MINDY2: variants seen among roughly 807,000 people sequenced by gnomAD.
MINDY2 encodes ubiquitin carboxyl-terminal hydrolase MINDY-2.
Under a neutral mutation model 68.2 loss-of-function variants are expected in MINDY2, and 52 were observed. That is an observed-to-expected ratio of 0.76 (90% CI 0.61 to 0.96). The LOEUF is 0.96. MINDY2 is among the 40% of genes least tolerant of loss of function. The probability of loss-of-function intolerance (pLI) is 0.00; values close to 1 mark genes in which losing one functional copy is unlikely to be tolerated. For missense variants in MINDY2, 881 were observed against 773.4 expected (o/e 1.14, Z -1.65); for synonymous variants, 372 against 303.0 (o/e 1.23, Z -2.36).
intron 4 of MINDY2, among the ~76,000 whole-genome samples, chr15:58,814,341 G>C (rs1231763091): frequency 6.6e-6 from 1 of 151,516 alleles, no homozygotes; most frequent in African/African-American, 2.4e-5. Context: ...CATGTCTTTT[G>C]CCCACTTTCT....
At position 58,791,624 on chromosome 15, in the gene MINDY2, G is replaced by A. The variant is rs1026301873; in HGVS notation, c.898+3661G>A. 2.4e-3 allele frequency among the ~76,000 whole-genome samples: 317 copies of A among 131,590 alleles called. 2 individuals carry two copies. The highest frequency in any genetic ancestry group is 0.011 in the African/African-American group (292 of 27,256). The allele number at this position is 131,590 out of a possible 152,430, so 86.3% of individuals were successfully genotyped here. ...AGGGCAAGACCCTGTCTCAAAATAT[G>A]TGTGTGTGTGTGTGTGTGTGTGTGT... On this transcript the variant is annotated intron_variant, in intron 2 of 8. Transcript: ENST00000559228.
chr15:58,847,575 C>T, intron 7 of MINDY2, 105 bp downstream of exon 7: 1 of 939,136 alleles, frequency 1.1e-6, no homozygotes, highest in Non-Finnish European at 1.5e-6. Context: ...CATCAATATG[C>T]TTGTGAAATT....
chr15:58,803,776 A>G (rs1158520645), intron 3 of MINDY2, among the ~76,000 whole-genome samples: 1 of 151,926 alleles, frequency 6.6e-6, no homozygotes, highest in African/African-American at 2.4e-5. Flanking sequence ...AGATTGCGTC[A>G]CTACACTCCG....
intron 6 of MINDY2, among the ~76,000 whole-genome samples, chr15:58,832,446 G>A (rs747672209): frequency 7.3e-5 from 11 of 149,804 alleles, no homozygotes; most frequent in Non-Finnish European, 1.3e-4. Flanking sequence ...TCAGGCTGGT[G>A]TCAAACTCCT....
At chr15:58,800,920 G>A (rs1163137404) in intron 2 of MINDY2, among the ~76,000 whole-genome samples, 3 of 151,316 alleles carry the variant, frequency 2.0e-5, no homozygotes, top group African/African-American at 7.3e-5. Context: ...CAGTTAACTA[G>A]TTGTCTGGAA....
intron 4 of MINDY2, among the ~76,000 whole-genome samples, chr15:58,816,100 G>A (rs181197292): frequency 1.5e-4 from 23 of 152,314 alleles, no homozygotes; most frequent in Non-Finnish European, 2.8e-4. Flanking sequence ...ATTGACTGAT[G>A]GAATGCAGCA....
At chr15:58,800,972 T>C (rs990469470) in intron 2 of MINDY2, among the ~76,000 whole-genome samples, 60 of 151,962 alleles carry the variant, frequency 3.9e-4, no homozygotes, top group African/African-American at 1.4e-3. Flanking sequence ...TTTTTAAAAA[T>C]AAAATTTGTT....
intron 1 of MINDY2, among the ~76,000 whole-genome samples, chr15:58,783,628 TAGA>T (rs1901299133): frequency 6.6e-6 from 1 of 152,166 alleles, no homozygotes; most frequent in Admixed American, 6.6e-5. Context: ...CTTTACTCTT[TAGA>T]TGATTAAGAA....
intron 2 of MINDY2, among the ~76,000 whole-genome samples, chr15:58,791,304 C>G (rs1901895299): frequency 7.0e-6 from 1 of 142,774 alleles, no homozygotes; most frequent in African/African-American, 2.5e-5. Context: ...ATTAAAATTT[C>G]TGTAATGATA....
chr15:58,853,779 C>T (rs1295983123), intron 8 of MINDY2, among the ~76,000 whole-genome samples: 1 of 143,874 alleles, frequency 7.0e-6, no homozygotes, highest in African/African-American at 2.6e-5. Flanking sequence ...CGAGATTGTG[C>T]CACTGCACTC....
intron 2 of MINDY2, among the ~76,000 whole-genome samples, chr15:58,797,820 T>C (rs1301345835): frequency 6.6e-6 from 1 of 152,130 alleles, no homozygotes; most frequent in African/African-American, 2.4e-5. Flanking sequence ...AATGAAGAGA[T>C]ACAGTTGTGG....
At chr15:58,773,557 T>G (rs1240010129) in intron 1 of MINDY2, among the ~76,000 whole-genome samples, 1 of 152,142 alleles carries the variant, frequency 6.6e-6, no homozygotes, top group African/African-American at 2.4e-5. Context: ...AATAGTAAGT[T>G]ATATGAGACA....
In MINDY2 at chr15:58,772,117, C is replaced by CT; in HGVS notation, c.723dup (p.Val242CysfsTer21). ...TCCAAGGAACGCTTCCCGGGACAAT[C>CT]TGTGTATCACATCAAGTGGATCCAG... On this transcript the variant is annotated frameshift_variant, in exon 1 of 9. Transcript: ENST00000559228. LOFTEE classifies it high-confidence loss of function. 6.2e-7 allele frequency: 1 copy of CT among 1,614,056 alleles called. No homozygotes were observed. The highest frequency in any genetic ancestry group is 8.5e-7 in the Non-Finnish European group (1 of 1,179,948).
intron 2 of MINDY2, among the ~76,000 whole-genome samples, chr15:58,799,902 C>T (rs1009836104): frequency 6.6e-6 from 1 of 152,128 alleles, no homozygotes; most frequent in Admixed American, 6.5e-5. Flanking sequence ...TCAACATAAA[C>T]TGGAATGTAT....
intron 1 of MINDY2, among the ~76,000 whole-genome samples, chr15:58,778,816 T>TTC (rs1555427062): frequency 1.2e-4 from 17 of 145,006 alleles, no homozygotes; most frequent in African/African-American, 3.6e-4. Flanking sequence ...TTTTCTTTTT[T>TTC]TTTTTTTTTT....
At chr15:58,779,062 AT>A (rs10718322) in intron 1 of MINDY2, among the ~76,000 whole-genome samples, 36,334 of 141,822 alleles carry the variant, frequency 0.26, 4,701 homozygotes, top group East Asian at 0.53. Flanking sequence ...GTGCCCAACC[AT>A]TTTTTTTTTT....
chr15:58,772,732 T>G (rs1900519659), intron 1 of MINDY2, among the ~76,000 whole-genome samples: 1 of 152,236 alleles, frequency 6.6e-6, no homozygotes, highest in Admixed American at 6.5e-5. Context: ...AAGATGTGGC[T>G]CTTTAGACAA....
intron 2 of MINDY2, among the ~76,000 whole-genome samples, chr15:58,788,905 G>A (rs1267420504): frequency 2.6e-5 from 4 of 152,158 alleles, no homozygotes; most frequent in South Asian, 2.1e-4. Context: ...CCAACTATTC[G>A]GGAGGCTGAG....
chr15:58,804,657 G>A (rs772085113), intron 3 of MINDY2, among the ~76,000 whole-genome samples: 32 of 151,652 alleles, frequency 2.1e-4, no homozygotes, highest in Non-Finnish European at 1.0e-4. Flanking sequence ...AATACAAAAC[G>A]TTTGCCAGGC....
Sources: allele counts gnomAD v4.1 joint callset (sites outside exome capture counted in the v4.1 genomes callset), GRCh38; gene constraint gnomAD v4.1.1; transcripts MANE v1.5; gene names NCBI Gene and HGNC (gene_info 2026-07-23, HGNC 2026-07-21).